NTRK3: variants seen among roughly 807,000 people sequenced by gnomAD.
The protein encoded by NTRK3 is NT-3 growth factor receptor.
In NTRK3, 24 loss-of-function variants were observed where a neutral mutation model predicts 91.7. That is an observed-to-expected ratio of 0.26 (90% CI 0.19 to 0.37). NTRK3 has a LOEUF of 0.37. NTRK3 is among the 10% of genes least tolerant of loss of function. The probability of loss-of-function intolerance (pLI) is 1.00; values close to 1 mark genes in which losing one functional copy is unlikely to be tolerated. For synonymous variants in NTRK3, 483 were observed against 404.0 expected (o/e 1.20, Z -2.34); for missense variants, 880 against 1,068.9 (o/e 0.82, Z 2.46).
intron 13 of NTRK3, among the ~76,000 whole-genome samples, chr15:88,042,237 T>C (rs2079701728): frequency 6.6e-6 from 1 of 152,132 alleles, no homozygotes; most frequent in African/African-American, 2.4e-5. Flanking sequence ...CAGAGAGGGA[T>C]TCCATTTACT....
rs2052200975 is a variant in NTRK3, at chr15:88,240,163, G to A, written c.248+15743C>T. ...GCCCCCAGAGAAACCCAGGGCTGCT[G>A]CATCTGTATGGCTCCCCTACTTTCC... On this transcript the variant is annotated intron_variant, in intron 3 of 18. Transcript: ENST00000394480. This position sits in a 1 kb window ranked among gnomAD's most constrained non-coding sequence, Gnocchi z 4.9. Among the ~76,000 whole-genome samples, 1 of 148,290 alleles carries A rather than the reference G, an allele frequency of 6.7e-6. No individual in the cohort carries two copies. The highest frequency in any genetic ancestry group is 2.0e-4 in the East Asian group (1 of 5,008).
intron 14 of NTRK3, among the ~76,000 whole-genome samples, chr15:87,986,953 G>A (rs557704422): frequency 6.6e-6 from 1 of 152,346 alleles, no homozygotes; most frequent in East Asian, 1.9e-4. Context: ...TGTAAAAATA[G>A]GCAAGAGCCA....
intron 5 of NTRK3, among the ~76,000 whole-genome samples, chr15:88,151,211 C>A (rs540278981): frequency 6.6e-6 from 1 of 152,248 alleles, no homozygotes; most frequent in East Asian, 1.9e-4. Context: ...CGTGACACTG[C>A]CCCTTCTATC....
intron 13 of NTRK3, among the ~76,000 whole-genome samples, chr15:88,073,770 C>T (rs974534733): frequency 8.6e-5 from 13 of 151,066 alleles, no homozygotes; most frequent in African/African-American, 3.2e-4. Flanking sequence ...GTCCAGAGTG[C>T]TGCAACACCC....
chr15:88,084,522 G>A (rs575243854), intron 13 of NTRK3, among the ~76,000 whole-genome samples: 8 of 152,256 alleles, frequency 5.3e-5, no homozygotes, highest in South Asian at 4.2e-4. Flanking sequence ...GAAATGGCCC[G>A]AAGTCCCTGG....
chr15:87,942,579 C>T (rs546489380), intron 14 of NTRK3, among the ~76,000 whole-genome samples: 1 of 152,248 alleles, frequency 6.6e-6, no homozygotes, highest in South Asian at 2.1e-4. Context: ...AGACAGGGCT[C>T]ACGATGGCAG....
intron 13 of NTRK3, among the ~76,000 whole-genome samples, chr15:88,061,696 C>A (rs1486560047): frequency 6.6e-6 from 1 of 152,222 alleles, no homozygotes; most frequent in African/African-American, 2.4e-5. Flanking sequence ...CAGGCCAGAG[C>A]AGACGTCAGA....
intron 13 of NTRK3, among the ~76,000 whole-genome samples, chr15:88,122,701 G>A (rs1319461437): frequency 1.3e-5 from 2 of 151,918 alleles, no homozygotes; most frequent in Non-Finnish European, 2.9e-5. Context: ...CCTCCCTATC[G>A]ATACACCTGG....
chr15:87,950,670 C>A (rs529480477), intron 14 of NTRK3, among the ~76,000 whole-genome samples: 2 of 152,314 alleles, frequency 1.3e-5, no homozygotes, highest in South Asian at 4.1e-4. Context: ...AAAATATCCA[C>A]CTCATTGACT....
At chr15:87,997,846 G>A (rs1204050194) in intron 14 of NTRK3, among the ~76,000 whole-genome samples, 1 of 152,166 alleles carries the variant, frequency 6.6e-6, no homozygotes, top group Non-Finnish European at 1.5e-5. Flanking sequence ...CACAACGTGT[G>A]CAAATAGCTG....
chr15:88,150,767 G>A (rs575500584), intron 5 of NTRK3, among the ~76,000 whole-genome samples: 1 of 152,144 alleles, frequency 6.6e-6, no homozygotes, highest in Admixed American at 6.5e-5. Flanking sequence ...TATACAAAAA[G>A]ACAAGAGATA....
At chr15:88,131,834 G>T in intron 10 of NTRK3, 1 of 181,778 alleles carries the variant, frequency 5.5e-6, no homozygotes, top group East Asian at 8.9e-5. Flanking sequence ...TCTCTAACCT[G>T]TGGGAGGGTT....
exon 19 of NTRK3, chr15:87,869,705 T>G: frequency 5.0e-6 from 1 of 199,934 alleles, no homozygotes; most frequent in East Asian, 7.7e-5. Context: ...GAGATTTACT[T>G]CTCCACTACA....
At chr15:87,978,033 C>A (rs1596492273) in intron 14 of NTRK3, 5 of 233,480 alleles carry the variant, frequency 2.1e-5, no homozygotes, top group Non-Finnish European at 4.2e-5. Flanking sequence ...ATTAGGTGGG[C>A]AGCCTATGCT....
intron 14 of NTRK3, among the ~76,000 whole-genome samples, chr15:88,007,527 C>A (rs188570536): frequency 2.0e-5 from 3 of 152,142 alleles, no homozygotes; most frequent in Non-Finnish European, 2.9e-5. Context: ...GGATGGCCAC[C>A]TATAAGGGAT....
intron 17 of NTRK3, chr15:87,927,145 T>G (rs2068382716): frequency 6.6e-6 from 1 of 152,252 alleles, no homozygotes; most frequent in Non-Finnish European, 1.5e-5. Flanking sequence ...TTTCCATACC[T>G]GGGAATACTG....
intron 14 of NTRK3, among the ~76,000 whole-genome samples, chr15:87,967,103 G>C (rs911277967): frequency 5.9e-5 from 9 of 152,220 alleles, no homozygotes; most frequent in African/African-American, 2.2e-4. Context: ...GTGTGGCACA[G>C]AGTGGATGCC....
At chr15:87,873,749 T>C (rs556947895) in exon 19 of NTRK3, 189 of 231,882 alleles carry the variant, frequency 8.2e-4, no homozygotes, top group Middle Eastern at 5.2e-3. Context: ...TTTTCTGGTA[T>C]GTAGGAATGC....
chr15:87,981,498 C>T lies in NTRK3; in HGVS notation c.1586-40745G>A. Reference sequence around the variant, plus strand: ...TTTCTCAGCTCCTGTACCCACTCTGCTGTGCCTGTAGTGGCAGCTGGTTTA... The same window carrying T: ...TTTCTCAGCTCCTGTACCCACTCTGTTGTGCCTGTAGTGGCAGCTGGTTTA... On this transcript the variant is annotated intron_variant, in intron 14 of 18. Transcript: ENST00000394480. The T allele has an allele frequency of 3.5e-6, 4 of 1,134,432 alleles. No individual in the cohort carries two copies. The Admixed American group carries it at 5.4e-5, about 15-fold the overall frequency. 70.3% of individuals were successfully genotyped at this position (1,134,432 alleles called of 1,614,324 possible). A position where few individuals can be genotyped will look rare whatever the true frequency, so the allele number is the denominator to read the frequency against.
Sources: gnomAD v4.1 joint callset for allele counts (sites outside exome capture counted in the v4.1 genomes callset) on GRCh38, gnomAD v4.1.1 for gene constraint, Gnocchi (gnomAD v3.1) non-coding constraint, MANE v1.5 for transcripts, NCBI Gene and HGNC (gene_info 2026-07-23, HGNC 2026-07-21) for gene names.